Variants in ZNF385D observed in about 807,000 individuals in gnomAD.
ZNF385D encodes zinc finger protein 659.
ZNF385D carries 15 observed loss-of-function variants against 35.8 expected under a neutral mutation model. That is an observed-to-expected ratio of 0.42 (90% CI 0.28 to 0.64). The LOEUF (loss-of-function observed/expected upper bound fraction) is 0.64. Ranked by LOEUF, ZNF385D falls within the 30% of genes least tolerant of loss-of-function variation. The pLI, the probability that ZNF385D is intolerant of heterozygous loss-of-function variation, is 0.23. For missense variants in ZNF385D, 474 were observed against 494.6 expected, an observed-to-expected ratio of 0.96 and a Z score of 0.39; for synonymous variants, 212 against 186.8, an observed-to-expected ratio of 1.13 and a Z score of -1.10.
chr3:21,802,032 T>A (rs900128839), intron 3 of ZNF385D, among the ~76,000 whole-genome samples: 1 of 152,144 alleles, frequency 6.6e-6, no homozygotes, highest in Non-Finnish European at 1.5e-5. Context: ...TCAACTTTTA[T>A]AGGAGACGGG....
chr3:22,178,212 G>C (rs1258871867), intron 2 of ZNF385D, among the ~76,000 whole-genome samples: 1 of 152,194 alleles, frequency 6.6e-6, no homozygotes, highest in African/African-American at 2.4e-5. Context: ...CAGTGTAAAA[G>C]TGTTCCTATT....
At chr3:22,143,140 T>C (rs1172332845) in intron 3 of ZNF385D, among the ~76,000 whole-genome samples, 1 of 150,008 alleles carries the variant, frequency 6.7e-6, no homozygotes, top group African/African-American at 2.5e-5. Context: ...TGGAGTGCAG[T>C]GGCACGATCT....
At chr3:21,577,614 T>G (rs2063531244) in intron 2 of ZNF385D, among the ~76,000 whole-genome samples, 1 of 152,148 alleles carries the variant, frequency 6.6e-6, no homozygotes, top group African/African-American at 2.4e-5. Flanking sequence ...TGTACTAATT[T>G]ACATTCCCAC....
chr3:22,160,407 T>C (rs994208300), intron 3 of ZNF385D, among the ~76,000 whole-genome samples: 14 of 152,118 alleles, frequency 9.2e-5, no homozygotes, highest in Non-Finnish European at 1.6e-4. Context: ...CAAATTTATA[T>C]ATAAATGATA....
At chr3:21,765,466 C>T (rs977710417) in intron 3 of ZNF385D, among the ~76,000 whole-genome samples, 3 of 151,980 alleles carry the variant, frequency 2.0e-5, no homozygotes, top group African/African-American at 7.2e-5. Context: ...TTTTCTGAGA[C>T]CCATGACTTG....
At chr3:21,625,819 C>T (rs1322176835) in intron 2 of ZNF385D, among the ~76,000 whole-genome samples, 1 of 152,058 alleles carries the variant, frequency 6.6e-6, no homozygotes, top group Non-Finnish European at 1.5e-5. Flanking sequence ...CCACATCAGA[C>T]AAAAATAGAA....
Position 21,498,464 on chromosome 3 carries a change from C to T in ZNF385D, c.439+12397G>A, listed in dbSNP as rs111430549. 5.6e-3 allele frequency among the ~76,000 whole-genome samples: 852 copies of T among 152,046 alleles called. 18 individuals carry two copies. The highest frequency in any genetic ancestry group is 4.9e-3 in the Non-Finnish European group (331 of 67,968). ...AGAATATATTTGCAAACTATCAATT[C>T]GATGAAGTTCTGCTATCTAGAATCT... On this transcript the variant is annotated intron_variant, in intron 4 of 7. Coordinates refer to ENST00000281523, the MANE Select transcript of ZNF385D (RefSeq NM_024697.3).
chr3:21,893,749 A>G (rs534052755), intron 3 of ZNF385D, among the ~76,000 whole-genome samples: 1 of 152,334 alleles, frequency 6.6e-6, no homozygotes, highest in African/African-American at 2.4e-5. Flanking sequence ...TAGCTATTTT[A>G]GAACTCAGAG....
chr3:22,146,405 G>A (rs1040085273), intron 3 of ZNF385D, among the ~76,000 whole-genome samples: 1 of 152,110 alleles, frequency 6.6e-6, no homozygotes, highest in South Asian at 2.1e-4. Context: ...TGTATAGAAT[G>A]AATTTTTTTG....
At chr3:21,770,150 G>A (rs1261371532) in intron 3 of ZNF385D, among the ~76,000 whole-genome samples, 3 of 152,044 alleles carry the variant, frequency 2.0e-5, no homozygotes, top group Non-Finnish European at 4.4e-5. Context: ...GAAAACCTAG[G>A]CAATATCATT....
At chr3:21,853,390 A>G (rs1456058361) in intron 3 of ZNF385D, among the ~76,000 whole-genome samples, 1 of 151,876 alleles carries the variant, frequency 6.6e-6, no homozygotes, top group East Asian at 1.9e-4. Context: ...TAATATGTTC[A>G]GTAAGTCAAT....
chr3:21,984,515 A>G (rs370445646), intron 3 of ZNF385D, among the ~76,000 whole-genome samples: 1,405 of 129,298 alleles, frequency 0.011, 126 homozygotes, highest in African/African-American at 0.04. Context: ...GTTCTGTTCC[A>G]TTGATCTATA....
In ZNF385D at chr3:22,282,953, T is replaced by C. The variant is rs371241234; in HGVS notation, c.106+89497A>G. 1.4e-4 allele frequency among the ~76,000 whole-genome samples: 22 copies of C among 152,076 alleles called. No homozygotes were observed. In the South Asian group the frequency reaches 1.7e-3, roughly 11 times the overall value. On this transcript the variant is annotated intron_variant, in intron 2 of 5. Transcript: ENST00000494108. ...CTATCTTCAAGAGACTCACCTGACATATAAGAACTCATAAACTTAAGGTAA... is the reference window on the plus strand; with the variant it reads ...CTATCTTCAAGAGACTCACCTGACACATAAGAACTCATAAACTTAAGGTAA...
At chr3:21,942,616 G>C (rs894678836) in intron 3 of ZNF385D, 4 of 152,178 alleles carry the variant, frequency 2.6e-5, no homozygotes, top group African/African-American at 9.7e-5. Flanking sequence ...AAGTGCTGTT[G>C]ACAGAAGTAT....
In ZNF385D at chr3:22,157,793, T is replaced by C. The variant is rs1001767820; in HGVS notation, c.325+11024A>G. 2.6e-5 allele frequency among the ~76,000 whole-genome samples: 4 copies of C among 152,080 alleles called. No homozygotes were observed. In the East Asian group the frequency reaches 7.7e-4, roughly 29 times the overall value. Reference sequence around the variant, plus strand: ...TCAGGGTTGGAAAATTGGAAACGAGTAGAAAATATGACTTGTTCATATCTT... The same window carrying C: ...TCAGGGTTGGAAAATTGGAAACGAGCAGAAAATATGACTTGTTCATATCTT... On this transcript the variant is annotated intron_variant, in intron 3 of 5. Coordinates refer to the ZNF385D transcript ENST00000494108.
In ZNF385D at chr3:22,176,865, G is replaced by A. The variant is rs143970786; in HGVS notation, c.107-7830C>T. ...AAAACAACAACATTTTGTTAAAAAAGGTAAATCATTCAAGTAGAATCTACT... is the reference window on the plus strand; with the variant it reads ...AAAACAACAACATTTTGTTAAAAAAAGTAAATCATTCAAGTAGAATCTACT... On this transcript the variant is annotated intron_variant, in intron 2 of 5. Coordinates refer to the ZNF385D transcript ENST00000494108. Among the ~76,000 whole-genome samples the A allele has an allele frequency of 2.1e-3, 314 of 152,078 alleles. 1 individual carries two copies. The highest frequency in any genetic ancestry group is 7.1e-3 in the African/African-American group (294 of 41,500).
chr3:22,154,193 G>A (rs949086933), intron 3 of ZNF385D, among the ~76,000 whole-genome samples: 1 of 152,114 alleles, frequency 6.6e-6, no homozygotes, highest in Non-Finnish European at 1.5e-5. Context: ...ATTCTGCCCT[G>A]TTTATTGTTG....
intron 2 of ZNF385D, among the ~76,000 whole-genome samples, chr3:22,224,497 G>A (rs918150113): frequency 2.6e-5 from 4 of 152,118 alleles, no homozygotes; most frequent in African/African-American, 9.7e-5. Context: ...AGCCCCTGAA[G>A]GCATGGTAGA....
At chr3:21,471,091 G>GAAAAGAAAGCAAA (rs1703855206) in intron 4 of ZNF385D, among the ~76,000 whole-genome samples, 1 of 152,064 alleles carries the variant, frequency 6.6e-6, no homozygotes, top group African/African-American at 2.4e-5. Context: ...ATTTACATAT[G>GAAAAGAAAGCAAA]AAAAGAAAGC....
Sources: allele counts gnomAD v4.1 joint callset (sites outside exome capture counted in the v4.1 genomes callset), GRCh38; gene constraint gnomAD v4.1.1; transcripts MANE v1.5; gene names NCBI Gene and HGNC (gene_info 2026-07-23, HGNC 2026-07-21).